Variants in DNM3 observed in about 807,000 individuals in gnomAD.
DNM3 encodes dynamin 3.
A neutral mutation model predicts 101.6 loss-of-function variants in DNM3; 47 were observed. The observed-to-expected ratio is 0.46, with a 90% CI of 0.37 to 0.59. The LOEUF (loss-of-function observed/expected upper bound fraction) is 0.59, where lower values mean the gene tolerates loss of function less well. Among genes scored for constraint, DNM3 ranks in the 20% least tolerant of loss-of-function variants. DNM3 has a pLI of 0.00. For missense variants in DNM3, 849 were observed against 1,085.7 expected (o/e 0.78, Z 3.06); for synonymous variants, 385 against 387.9 (o/e 0.99, Z 0.09).
chr1:172,323,252 G>GA lies in DNM3; in HGVS notation c.1882-71dup, dbSNP rs2065800628. ...TTTTTAATATCCAGAGAAAGTAGAAGAAAAAACCCTCATAATTTTAAAATA... is the reference window on the plus strand; with the variant it reads ...TTTTTAATATCCAGAGAAAGTAGAAGAAAAAAACCCTCATAATTTTAAAATA... On this transcript the variant is annotated intron_variant, in intron 16 of 20. Coordinates refer to ENST00000627582, the MANE Select transcript of DNM3 (RefSeq NM_015569.5). 3.5e-6 allele frequency: 5 copies of GA among 1,444,244 alleles called. No individual in the cohort carries two copies. In the African/African-American group the frequency reaches 4.3e-5, roughly 12 times the overall value. The allele number at this position is 1,444,244 out of a possible 1,614,324, so 89.5% of individuals were successfully genotyped here. A position where few individuals can be genotyped will look rare whatever the true frequency, so the allele number is the denominator to read the frequency against.
intron 1 of DNM3, among the ~76,000 whole-genome samples, chr1:171,879,368 G>A (rs2036060485): frequency 6.6e-6 from 1 of 152,102 alleles, no homozygotes; most frequent in African/African-American, 2.4e-5. Flanking sequence ...AAGATTATAT[G>A]ATGTACTTTG....
At chr1:172,250,754 A>G (rs1032590627) in intron 14 of DNM3, among the ~76,000 whole-genome samples, 1 of 152,108 alleles carries the variant, frequency 6.6e-6, no homozygotes, top group African/African-American at 2.4e-5. Context: ...GGGAGAATGA[A>G]GGATAAACCT....
downstream of DNM3, among the ~76,000 whole-genome samples, chr1:172,417,691 G>A (rs1324107451): frequency 2.0e-5 from 3 of 152,170 alleles, no homozygotes; most frequent in Non-Finnish European, 4.4e-5. Flanking sequence ...CTCACCTGGA[G>A]CAAATTCTTA....
intron 2 of DNM3, among the ~76,000 whole-genome samples, chr1:171,981,220 C>A (rs1334514642): frequency 6.6e-6 from 1 of 152,094 alleles, no homozygotes; most frequent in East Asian, 1.9e-4. Flanking sequence ...GAAGACAGTC[C>A]CTTATGTATA....
intron 1 of DNM3, among the ~76,000 whole-genome samples, chr1:171,859,764 G>A (rs551861032): frequency 6.6e-6 from 1 of 152,296 alleles, no homozygotes; most frequent in South Asian, 2.1e-4. Flanking sequence ...GAACATGACA[G>A]AGAGTGACAT....
At chr1:172,340,040 GT>G (rs907036979) in intron 17 of DNM3, among the ~76,000 whole-genome samples, 1 of 152,160 alleles carries the variant, frequency 6.6e-6, no homozygotes, top group Non-Finnish European at 1.5e-5. Context: ...TCAGAGTGGT[GT>G]TTTAGATTGT....
At chr1:171,994,705 TTTTC>T (rs1304688156) in intron 4 of DNM3, among the ~76,000 whole-genome samples, 3 of 140,504 alleles carry the variant, frequency 2.1e-5, no homozygotes, top group African/African-American at 6.3e-5. Context: ...TTGGTTAGTT[TTTTC>T]TTTCTTTCTT....
chr1:171,945,336 G>T (rs2042106180), intron 2 of DNM3, among the ~76,000 whole-genome samples: 1 of 152,082 alleles, frequency 6.6e-6, no homozygotes, highest in African/African-American at 2.4e-5. Context: ...TTATATAAAT[G>T]CATGGATAGT....
chr1:172,385,346 G>T (rs541119039), intron 18 of DNM3, among the ~76,000 whole-genome samples: 1 of 152,104 alleles, frequency 6.6e-6, no homozygotes, highest in South Asian at 2.1e-4. Flanking sequence ...AAACGCTTTC[G>T]CTGGCCCCTC....
chr1:172,366,659 T>C (rs1181080313), intron 17 of DNM3: 1 of 151,818 alleles, frequency 6.6e-6, no homozygotes, highest in East Asian at 1.9e-4. Flanking sequence ...GAATGAGAAA[T>C]TTAATAAAGA....
At chr1:171,957,183 TTTTC>T (rs771144559) in intron 2 of DNM3, among the ~76,000 whole-genome samples, 42 of 151,264 alleles carry the variant, frequency 2.8e-4, no homozygotes, top group African/African-American at 8.0e-4. Context: ...CGTGTTTTTC[TTTTC>T]TTTCTTTCTT....
At chr1:172,192,359 T>C (rs1409752123) in intron 14 of DNM3, among the ~76,000 whole-genome samples, 1 of 150,674 alleles carries the variant, frequency 6.6e-6, no homozygotes, top group Non-Finnish European at 1.5e-5. Context: ...TTGATCATGG[T>C]GGATAAGCTT....
At chr1:172,269,133 G>A (rs1399063114) in intron 15 of DNM3, among the ~76,000 whole-genome samples, 1 of 152,192 alleles carries the variant, frequency 6.6e-6, no homozygotes, top group Non-Finnish European at 1.5e-5. Flanking sequence ...AAGGATTTTG[G>A]TCAAAGTGTT....
intron 14 of DNM3, chr1:172,144,453 C>T (rs1418762151): frequency 3.1e-5 from 10 of 322,046 alleles, no homozygotes; most frequent in Non-Finnish European, 5.9e-5. Context: ...AAGAAAAACA[C>T]TGGATATGAG....
At chr1:172,273,958 T>C (rs2063180849) in intron 15 of DNM3, among the ~76,000 whole-genome samples, 1 of 152,050 alleles carries the variant, frequency 6.6e-6, no homozygotes, top group African/African-American at 2.4e-5. Context: ...TTTCATGCAA[T>C]GGGGGGTGTG....
At chr1:171,962,228 C>T (rs2043263562) in intron 2 of DNM3, among the ~76,000 whole-genome samples, 1 of 152,130 alleles carries the variant, frequency 6.6e-6, no homozygotes, top group African/African-American at 2.4e-5. Context: ...GCTCCTTTCA[C>T]TGCTACCGCA....
intron 14 of DNM3, among the ~76,000 whole-genome samples, chr1:172,183,619 G>A (rs911133155): frequency 6.6e-6 from 1 of 151,466 alleles, no homozygotes; most frequent in African/African-American, 2.4e-5. Flanking sequence ...TTTATTTTTT[G>A]TGATAGGGTC....
intron 14 of DNM3, among the ~76,000 whole-genome samples, chr1:172,253,103 T>C (rs1346977251): frequency 6.6e-6 from 1 of 152,070 alleles, no homozygotes; most frequent in Non-Finnish European, 1.5e-5. Context: ...AGGCTGCAAA[T>C]AAAACAAGAA....
intron 20 of DNM3, chr1:172,394,185 T>C (rs1027584253): frequency 1.3e-5 from 2 of 152,218 alleles, no homozygotes; most frequent in East Asian, 3.8e-4. Flanking sequence ...AAAATTAGTT[T>C]GGTGGTTTCC....
Sources: gnomAD v4.1 joint callset for allele counts (sites outside exome capture counted in the v4.1 genomes callset) on GRCh38, gnomAD v4.1.1 for gene constraint, MANE v1.5 for transcripts, NCBI Gene and HGNC (gene_info 2026-07-23, HGNC 2026-07-21) for gene names.